The following RELN variants were observed in gnomAD, a reference collection of about 807,000 sequenced individuals.
RELN encodes the protein reelin.
Under a neutral mutation model 427.6 loss-of-function variants are expected in RELN, and 108 were observed. The ratio of observed to expected loss-of-function variants is 0.25; its 90% CI spans 0.22 to 0.30. The LOEUF is 0.30. Ranked by LOEUF, RELN falls within the 10% of genes least tolerant of loss-of-function variation. The pLI, the probability that RELN is intolerant of heterozygous loss-of-function variation, is 1.00. For synonymous variants in RELN, 1,524 were observed against 1,513.4 expected (o/e 1.01, Z -0.16); for missense variants, 3,715 against 4,302.8 (o/e 0.86, Z 3.82).
At chr7:103,832,084 T>C (rs531828329) in intron 3 of RELN, among the ~76,000 whole-genome samples, 105 of 152,210 alleles carry the variant, frequency 6.9e-4, no homozygotes, top group Admixed American at 1.3e-3. Context: ...ACTCAGAGGA[T>C]AGGCAGAAAG....
At chr7:103,877,156 C>T (rs968484777) in intron 2 of RELN, among the ~76,000 whole-genome samples, 1 of 152,036 alleles carries the variant, frequency 6.6e-6, no homozygotes, top group African/African-American at 2.4e-5. Context: ...TTAACACACA[C>T]CTCACCTCTC....
At chr7:103,936,129 G>A (rs973800842) in intron 1 of RELN, among the ~76,000 whole-genome samples, 2 of 141,144 alleles carry the variant, frequency 1.4e-5, no homozygotes, top group Non-Finnish European at 3.0e-5. Flanking sequence ...GTCTCACTCT[G>A]TCACCCAGGC....
In RELN at chr7:103,558,021, T is replaced by A. The variant is rs763521841; in HGVS notation, c.5558A>T (p.Asp1853Val). Residue 1853 changes from aspartate to valine, a missense_variant, in exon 37 of 65, where the codon GAT becomes GTT. This residue lies in a region of RELN where 2,208 missense variants were observed against 2,361.7 expected (regional missense o/e 0.93). Coordinates refer to ENST00000428762, the MANE Select transcript of RELN (RefSeq NM_005045.4). The part of the protein sequence containing the change: ...GEGLRMLISR[D>V]LDCTNTMYVQ... ...ATACATTGTATTTGTACAATCTAGA[T>A]CTCTTGAAATAAGCATCCTTAGTCC... 2 of 1,525,318 alleles carry A rather than the reference T, an allele frequency of 1.3e-6. No individual in the cohort carries two copies. The highest frequency in any genetic ancestry group is 1.8e-6 in the Non-Finnish European group (2 of 1,099,506). The allele number at this position is 1,525,318 out of a possible 1,614,324, so 94.5% of individuals were successfully genotyped here.
intron 51 of RELN, among the ~76,000 whole-genome samples, chr7:103,504,984 C>G (rs974223715): frequency 6.6e-6 from 1 of 152,126 alleles, no homozygotes; most frequent in African/African-American, 2.4e-5. Flanking sequence ...GGGTGGAGCC[C>G]GCCTCAGCTC....
intron 8 of RELN, among the ~76,000 whole-genome samples, chr7:103,709,075 C>T (rs759027437): frequency 8.5e-5 from 13 of 152,134 alleles, no homozygotes; most frequent in African/African-American, 1.4e-4. Flanking sequence ...AAAGCCCTTC[C>T]GAGACTCATC....
chr7:103,593,633 G>C (rs1158721443), intron 27 of RELN, 49 bp downstream of exon 27: 1 of 1,478,550 alleles, frequency 6.8e-7, no homozygotes, highest in Non-Finnish European at 9.5e-7. Flanking sequence ...ACATCTGGAA[G>C]ATATTTTACT....
chr7:103,560,252 G>C (rs1301811526), intron 36 of RELN, among the ~76,000 whole-genome samples: 1 of 152,062 alleles, frequency 6.6e-6, no homozygotes. Flanking sequence ...TAGTATTCCT[G>C]AATCTATAAA....
At chr7:103,960,401 G>C (rs536914267) in intron 1 of RELN, among the ~76,000 whole-genome samples, 1 of 152,104 alleles carries the variant, frequency 6.6e-6, no homozygotes, top group Non-Finnish European at 1.5e-5. Context: ...CACCTTTGGC[G>C]TGGGGGACTC....
chr7:103,491,850 T>TCA (rs1488010276), intron 58 of RELN, 103 bp downstream of exon 58: 254 of 510,312 alleles, frequency 5.0e-4, no homozygotes, highest in East Asian at 2.8e-3. Context: ...TCTCTCTCTC[T>TCA]CTCTCTCACA....
chr7:103,880,293 A>C (rs1368661458), intron 2 of RELN, among the ~76,000 whole-genome samples: 2 of 152,188 alleles, frequency 1.3e-5, no homozygotes, highest in Admixed American at 1.3e-4. Context: ...GGTTTAAAAC[A>C]TAGAATAGAA....
intron 6 of RELN, among the ~76,000 whole-genome samples, chr7:103,734,611 T>C (rs1790445228): frequency 6.6e-6 from 1 of 152,164 alleles, no homozygotes; most frequent in Non-Finnish European, 1.5e-5. Context: ...AGCTTATCTA[T>C]TACTTGAGTT....
At chr7:103,649,310 T>C (rs1234025663) in intron 16 of RELN, among the ~76,000 whole-genome samples, 1 of 152,036 alleles carries the variant, frequency 6.6e-6, no homozygotes, top group Non-Finnish European at 1.5e-5. Context: ...CTGGAGGCCA[T>C]TATCCTAAGT....
chr7:103,964,958 C>T (rs1008308755), intron 1 of RELN, among the ~76,000 whole-genome samples: 1 of 152,126 alleles, frequency 6.6e-6, no homozygotes, highest in South Asian at 2.1e-4. Flanking sequence ...GTTTTGTGCT[C>T]TCTAAAATAA....
At chr7:103,474,071 A>G (rs1827947657) in intron 64 of RELN, among the ~76,000 whole-genome samples, 1 of 152,198 alleles carries the variant, frequency 6.6e-6, no homozygotes, top group African/African-American at 2.4e-5. Context: ...ATATGCTAGT[A>G]AGGTGTAAAA....
Position 103,697,837 on chromosome 7 carries a change from T to TA in RELN, c.1143+15dup, listed in dbSNP as rs758452731. On this transcript the variant is annotated intron_variant, in intron 10 of 64. Coordinates refer to ENST00000428762, the MANE Select transcript of RELN (RefSeq NM_005045.4). ...TGAAGGATTAAAACAACCCAAAAAC[T>TA]AAAAAGAGCTCTAACCTTAACTGTA... The TA allele has an allele frequency of 1.4e-5, 23 of 1,613,224 alleles. No homozygotes were observed. In the African/African-American group the frequency reaches 2.7e-4, roughly 19 times the overall value.
chr7:103,759,390 A>C (rs1349980286), intron 4 of RELN, among the ~76,000 whole-genome samples: 4 of 152,160 alleles, frequency 2.6e-5, no homozygotes, highest in Non-Finnish European at 5.9e-5. Flanking sequence ...TTCAGTATCA[A>C]AAGTTTCAAA....
intron 63 of RELN, among the ~76,000 whole-genome samples, chr7:103,480,521 C>A (rs761857054): frequency 6.6e-6 from 1 of 152,074 alleles, no homozygotes; most frequent in Admixed American, 6.6e-5. Flanking sequence ...AGAAATGTTA[C>A]ACTCTAAGAC....
At chr7:103,574,717 A>C (rs1447946692) in intron 29 of RELN, among the ~76,000 whole-genome samples, 7 of 152,232 alleles carry the variant, frequency 4.6e-5, no homozygotes, top group South Asian at 2.1e-4. Flanking sequence ...TCTCCATAGA[A>C]GGCCTGCAAC....
intron 42 of RELN, among the ~76,000 whole-genome samples, chr7:103,544,174 C>A (rs1830232336): frequency 7.2e-6 from 1 of 138,808 alleles, no homozygotes; most frequent in South Asian, 2.5e-4. Flanking sequence ...ATTGTAAAAC[C>A]ATAAATAGAA....
Sources: allele counts gnomAD v4.1 joint callset (sites outside exome capture counted in the v4.1 genomes callset), GRCh38; gene constraint gnomAD v4.1.1; regional missense constraint gnomAD v4.1.1; transcripts MANE v1.5; gene names NCBI Gene and HGNC (gene_info 2026-07-23, HGNC 2026-07-21).